The following ARFGEF1 variants were observed in gnomAD, a reference collection of about 807,000 sequenced individuals.
The protein encoded by ARFGEF1 is brefeldin A-inhibited guanine nucleotide-exchange protein 1.
Under a neutral mutation model 231.0 loss-of-function variants are expected in ARFGEF1, and 42 were observed. That is an observed-to-expected ratio of 0.18 (90% confidence interval 0.14 to 0.24). The LOEUF is 0.24. Ranked by LOEUF, ARFGEF1 falls within the 10% of genes least tolerant of loss-of-function variation. The pLI, the probability that ARFGEF1 is intolerant of heterozygous loss-of-function variation, is 1.00. For missense variants in ARFGEF1, 1,345 were observed against 2,192.0 expected, an observed-to-expected ratio of 0.61 and a Z score of 7.72; for synonymous variants, 710 against 732.3, an observed-to-expected ratio of 0.97 and a Z score of 0.49.
chr8:67,175,644 T>G, intron 5 of ARFGEF1: 1 of 681,218 alleles, frequency 1.5e-6, no homozygotes, highest in Non-Finnish European at 2.7e-6. Flanking sequence ...TATTCATGCA[T>G]GAGAGGGGCC....
chr8:67,285,176 T>C (rs767537465), intron 7 of ARFGEF1, among the ~76,000 whole-genome samples: 1 of 152,088 alleles, frequency 6.6e-6, no homozygotes, highest in Admixed American at 6.6e-5. Context: ...AAAATTGCTA[T>C]ATTGCAACCC....
At chr8:67,225,125 CA>C in intron 28 of ARFGEF1, 92 bp from the exon 29 acceptor site, 1 of 1,167,082 alleles carries the variant, frequency 8.6e-7, no homozygotes, top group African/African-American at 1.6e-5. Context: ...AAATGCTTCA[CA>C]AATAACCAGT....
At chr8:67,266,327 C>T in intron 13 of ARFGEF1, 120 bp from the exon 14 acceptor site, 1 of 704,948 alleles carries the variant, frequency 1.4e-6, no homozygotes, top group South Asian at 1.9e-5. Flanking sequence ...CTATTTAATA[C>T]AAAATAACTA....
chr8:67,190,816 C>A, intron 5 of ARFGEF1: 1 of 1,239,094 alleles, frequency 8.1e-7, no homozygotes, highest in Non-Finnish European at 1.2e-6. Context: ...GGTCTGGGTT[C>A]TGACCTGTGC....
At chr8:67,293,391 G>C (rs1806092824) in intron 5 of ARFGEF1, among the ~76,000 whole-genome samples, 1 of 152,056 alleles carries the variant, frequency 6.6e-6, no homozygotes, top group African/African-American at 2.4e-5. Context: ...TAAAAAGTCT[G>C]TTAATCAAAT....
chr8:67,248,085 C>T (rs561546131), intron 19 of ARFGEF1, among the ~76,000 whole-genome samples: 20 of 149,330 alleles, frequency 1.3e-4, no homozygotes, highest in Admixed American at 1.3e-3. Context: ...TCCATATTAC[C>T]CAAAGCAATC....
At chr8:67,258,388 C>T (rs1401110791) in intron 15 of ARFGEF1, 98 bp from the exon 16 acceptor site, 19 of 819,530 alleles carry the variant, frequency 2.3e-5, no homozygotes, top group East Asian at 2.8e-5. Flanking sequence ...TGCAGTGGCA[C>T]GATCTCGGCT....
At chr8:67,342,906 A>G (rs1808710263) in intron 1 of ARFGEF1, among the ~76,000 whole-genome samples, 1 of 152,090 alleles carries the variant, frequency 6.6e-6, no homozygotes, top group Non-Finnish European at 1.5e-5. Flanking sequence ...GATCCCTCGA[A>G]CCCAGGTGCC....
intron 22 of ARFGEF1, among the ~76,000 whole-genome samples, chr8:67,233,482 C>T (rs1839618365): frequency 6.6e-6 from 1 of 151,980 alleles, no homozygotes; most frequent in Admixed American, 6.6e-5. Flanking sequence ...TCTTCAAATT[C>T]TTAACTTCAG....
intron 7 of ARFGEF1, among the ~76,000 whole-genome samples, chr8:67,283,290 T>C (rs181531210): frequency 1.3e-5 from 2 of 152,268 alleles, no homozygotes; most frequent in Admixed American, 6.5e-5. Context: ...ATAGTAAGAA[T>C]GTATATCACA....
At position 67,198,909 on chromosome 8, in the gene ARFGEF1, T is replaced by C. The variant is rs769471311; in HGVS notation, c.*25A>G. 1.9e-5 allele frequency: 30 copies of C among 1,609,924 alleles called. No homozygotes were observed. In the Admixed American group the frequency reaches 3.6e-4, roughly 19 times the overall value. ...CTTTTAAAGAGCAGAGGGATGTAAA[T>C]GCCAACAAAAATATTAAGTTCCCAT... On this transcript the variant is annotated 3_prime_UTR_variant, in exon 39 of 39. Transcript: ENST00000262215.
At chr8:67,209,820 T>C (rs754951642) in intron 34 of ARFGEF1, among the ~76,000 whole-genome samples, 7 of 151,300 alleles carry the variant, frequency 4.6e-5, no homozygotes, top group Non-Finnish European at 7.4e-5. Flanking sequence ...CCGACTAAGG[T>C]TGGGGTGCAG....
intron 17 of ARFGEF1, 34 bp downstream of exon 17, chr8:67,257,698 G>A (rs367923848): frequency 2.5e-5 from 36 of 1,456,774 alleles, no homozygotes; most frequent in Middle Eastern, 1.7e-4. Flanking sequence ...ATTTTGTACC[G>A]CTTATTGTAA....
intron 14 of ARFGEF1, among the ~76,000 whole-genome samples, 164 bp downstream of exon 14, chr8:67,265,842 T>C (rs1406497614): frequency 1.3e-5 from 2 of 152,102 alleles, no homozygotes; most frequent in African/African-American, 4.8e-5. Context: ...CTAGTTGGGC[T>C]AGACTGCAAT....
Position 67,296,461 on chromosome 8 carries a change from A to G in ARFGEF1, c.609T>C (p.Asn203=), listed in dbSNP as rs956556173. 9 of 1,613,956 alleles carry G rather than the reference A, an allele frequency of 5.6e-6. No individual in the cohort carries two copies. The highest frequency in any genetic ancestry group is 7.6e-6 in the Non-Finnish European group (9 of 1,179,938). The change falls in exon 5 of 39, where the codon AAT becomes AAC. Residue 203 remains asparagine (N), a synonymous_variant. Coordinates refer to ENST00000262215, the MANE Select transcript of ARFGEF1 (RefSeq NM_006421.5). ...TAKATLTQML[N]VIFARMENQA... is the part of the protein sequence containing the mutation. ...GGTTTTCCATGCGTGCAAAGATAAC[A>G]TTTAGCATCTGAGTGAGAGTAGCTT...
downstream of ARFGEF1, chr8:67,197,620 G>A (rs1838111377): frequency 1.0e-6 from 1 of 985,434 alleles, no homozygotes. Flanking sequence ...AGCCTTAATA[G>A]ACCAGAATCA....
chr8:67,252,388 C>A (rs187710263), intron 18 of ARFGEF1, among the ~76,000 whole-genome samples: 1 of 151,886 alleles, frequency 6.6e-6, no homozygotes, highest in Admixed American at 6.6e-5. Context: ...CCATAACACT[C>A]CAGGGTAATT....
chr8:67,303,607 G>A (rs1419326381), intron 1 of ARFGEF1, among the ~76,000 whole-genome samples: 2 of 151,910 alleles, frequency 1.3e-5, no homozygotes, highest in Non-Finnish European at 2.9e-5. Flanking sequence ...ACAGCTACTC[G>A]GACGGCTGAG....
intron 35 of ARFGEF1, 82 bp from the exon 36 acceptor site, chr8:67,203,333 C>A: frequency 6.7e-7 from 1 of 1,485,744 alleles, no homozygotes; most frequent in South Asian, 1.3e-5. Flanking sequence ...CCCCAAAGAC[C>A]AGTTTTACAA....
Sources: gnomAD v4.1 joint callset for allele counts (sites outside exome capture counted in the v4.1 genomes callset) on GRCh38, gnomAD v4.1.1 for gene constraint, MANE v1.5 for transcripts, NCBI Gene and HGNC (gene_info 2026-07-23, HGNC 2026-07-21) for gene names.